GPBP1: variants seen among roughly 807,000 people sequenced by gnomAD.
The protein encoded by GPBP1 is vasculin.
GPBP1 carries 13 observed loss-of-function variants against 56.5 expected under a neutral mutation model. The ratio of observed to expected loss-of-function variants is 0.23; its 90% CI spans 0.15 to 0.37. GPBP1 has a LOEUF of 0.37. Ranked by LOEUF, GPBP1 falls within the 10% of genes least tolerant of loss-of-function variation. The pLI is 1.00. For missense variants in GPBP1, 477 were observed against 572.3 expected (o/e 0.83, Z 1.70); for synonymous variants, 204 against 188.9 (o/e 1.08, Z -0.66).
intron 3 of GPBP1, among the ~76,000 whole-genome samples, chr5:57,218,044 A>G (rs1391764028): frequency 1.3e-5 from 2 of 151,956 alleles, no homozygotes; most frequent in Non-Finnish European, 1.5e-5. Flanking sequence ...ACTTTTCTAG[A>G]CTATAAGACC....
At chr5:57,209,636 G>A (rs1169123768) in intron 2 of GPBP1, among the ~76,000 whole-genome samples, 1 of 151,980 alleles carries the variant, frequency 6.6e-6, no homozygotes, top group Non-Finnish European at 1.5e-5. Flanking sequence ...TTTAATAGAT[G>A]CTGTTTATCA....
chr5:57,221,308 G>T, intron 3 of GPBP1: 3 of 1,114,506 alleles, frequency 2.7e-6, no homozygotes, highest in Admixed American at 2.6e-5. Flanking sequence ...TTTCTTTTGT[G>T]ATTTTCTAGT....
chr5:57,248,294 T>C (rs1449367104), intron 8 of GPBP1, among the ~76,000 whole-genome samples: 1 of 152,154 alleles, frequency 6.6e-6, no homozygotes, highest in Non-Finnish European at 1.5e-5. Context: ...TCTCATTTGA[T>C]CAAGGTTTTG....
chr5:57,249,282 C>G (rs1741247711), intron 8 of GPBP1, 127 bp from the exon 9 acceptor site: 2 of 701,332 alleles, frequency 2.9e-6, no homozygotes. Flanking sequence ...TAGACTGTAA[C>G]ATAGACATTA....
At chr5:57,210,013 T>C (rs1219867925) in intron 2 of GPBP1, among the ~76,000 whole-genome samples, 1 of 152,198 alleles carries the variant, frequency 6.6e-6, no homozygotes, top group Non-Finnish European at 1.5e-5. Context: ...TTTTCTGAAA[T>C]CATTATAAAG....
Position 57,243,451 on chromosome 5 carries a change from A to G in GPBP1, c.479-2849A>G, listed in dbSNP as rs527344781. On this transcript the variant is annotated intron_variant, in intron 6 of 11. Coordinates refer to ENST00000506184, the MANE Select transcript of GPBP1 (RefSeq NM_022913.4). ...TCCTCTTTCTTCAGGGACTTTTGTC[A>G]TCTCTTACTCTGCTACCTACTCTTC... Among the ~76,000 whole-genome samples, 78 of 151,886 alleles carry G rather than the reference A, an allele frequency of 5.1e-4. 1 individual carries two copies. The highest frequency in any genetic ancestry group is 1.9e-3 in the African/African-American group (78 of 41,410).
At chr5:57,205,179 C>T (rs1431542981) in intron 2 of GPBP1, among the ~76,000 whole-genome samples, 2 of 152,168 alleles carry the variant, frequency 1.3e-5, no homozygotes, top group Admixed American at 6.6e-5. Context: ...CTTATGAATA[C>T]CTCTTATAAC....
intron 2 of GPBP1, among the ~76,000 whole-genome samples, chr5:57,189,186 C>T (rs1322777100): frequency 2.6e-5 from 4 of 152,194 alleles, no homozygotes; most frequent in East Asian, 3.9e-4. Flanking sequence ...TTGCCACTAT[C>T]TCAGTTCACT....
intron 3 of GPBP1, among the ~76,000 whole-genome samples, chr5:57,228,596 C>T (rs529563128): frequency 1.3e-3 from 200 of 151,356 alleles, no homozygotes; most frequent in African/African-American, 4.6e-3. Context: ...GCATATAGAT[C>T]TGTCTCTAAG....
intron 5 of GPBP1, among the ~76,000 whole-genome samples, chr5:57,233,224 T>A (rs1580053322): frequency 6.6e-6 from 1 of 152,086 alleles, no homozygotes; most frequent in East Asian, 1.9e-4. Context: ...GGATGGAAGG[T>A]TTCAGTAAGA....
chr5:57,220,918 G>A (rs200181580), intron 3 of GPBP1, among the ~76,000 whole-genome samples: 8 of 28,660 alleles, frequency 2.8e-4, no homozygotes, highest in African/African-American at 8.5e-4. Context: ...TTAACCTCTT[G>A]TTTTCTGCCA....
At chr5:57,220,051 C>CAA (rs34443889) in intron 3 of GPBP1, among the ~76,000 whole-genome samples, 8 of 80,038 alleles carry the variant, frequency 1.0e-4, no homozygotes, top group African/African-American at 2.0e-4. Flanking sequence ...GACCCTGTCT[C>CAA]AAAAAAAAAA....
intron 5 of GPBP1, among the ~76,000 whole-genome samples, chr5:57,231,627 C>G (rs1273584955): frequency 6.6e-6 from 1 of 152,200 alleles, no homozygotes; most frequent in Non-Finnish European, 1.5e-5. Flanking sequence ...TCTTAAATTA[C>G]AGAAAAATTG....
intron 3 of GPBP1, among the ~76,000 whole-genome samples, chr5:57,222,284 C>T (rs1300709717): frequency 6.6e-6 from 1 of 152,068 alleles, no homozygotes; most frequent in African/African-American, 2.4e-5. Flanking sequence ...TCTTATCTCC[C>T]CCTGCCCCAC....
chr5:57,221,667 TC>T (rs1755965248), intron 3 of GPBP1, among the ~76,000 whole-genome samples: 1 of 152,236 alleles, frequency 6.6e-6, no homozygotes, highest in Non-Finnish European at 1.5e-5. Flanking sequence ...TATTCAATAA[TC>T]TGTAGTTTTC....
At chr5:57,206,382 G>T (rs1336983043) in intron 2 of GPBP1, among the ~76,000 whole-genome samples, 1 of 152,002 alleles carries the variant, frequency 6.6e-6, no homozygotes, top group Non-Finnish European at 1.5e-5. Flanking sequence ...TTAGGTCTGT[G>T]ATTTATTTTG....
intron 10 of GPBP1, among the ~76,000 whole-genome samples, chr5:57,259,276 G>T (rs1348020375): frequency 6.6e-6 from 1 of 152,176 alleles, no homozygotes; most frequent in Non-Finnish European, 1.5e-5. Context: ...GATTGTTCAT[G>T]TGTAAAATGT....
intron 2 of GPBP1, among the ~76,000 whole-genome samples, chr5:57,208,609 TGA>T (rs1282862994): frequency 6.6e-6 from 1 of 151,916 alleles, no homozygotes; most frequent in Non-Finnish European, 1.5e-5. Context: ...TTAACAGTGT[TGA>T]GTTTCCCAGT....
intron 10 of GPBP1, among the ~76,000 whole-genome samples, chr5:57,258,349 T>C (rs1741750841): frequency 6.6e-6 from 1 of 151,994 alleles, no homozygotes; most frequent in Non-Finnish European, 1.5e-5. Context: ...TTACACAAAC[T>C]AGATAGTATA....
Sources: gnomAD v4.1 joint callset for allele counts (sites outside exome capture counted in the v4.1 genomes callset) on GRCh38, gnomAD v4.1.1 for gene constraint, MANE v1.5 for transcripts, NCBI Gene and HGNC (gene_info 2026-07-23, HGNC 2026-07-21) for gene names.